PDK2: variants seen among roughly 807,000 people sequenced by gnomAD.
PDK2 encodes pyruvate dehydrogenase kinase 2.
Under a neutral mutation model 50.4 loss-of-function variants are expected in PDK2, and 34 were observed. The ratio of observed to expected loss-of-function variants is 0.68; its 90% CI spans 0.51 to 0.90. PDK2 has a LOEUF of 0.90. Among genes scored for constraint, PDK2 ranks in the 40% least tolerant of loss-of-function variants. The pLI, the probability that PDK2 is intolerant of heterozygous loss-of-function variation, is 0.00. For synonymous variants in PDK2, 232 were observed against 216.0 expected, an observed-to-expected ratio of 1.07 and a Z score of -0.65; for missense variants, 377 against 544.5, an observed-to-expected ratio of 0.69 and a Z score of 3.06.
At chr17:50,102,496 C>T (rs1242143206) in intron 2 of PDK2, among the ~76,000 whole-genome samples, 1 of 152,086 alleles carries the variant, frequency 6.6e-6, no homozygotes, top group Non-Finnish European at 1.5e-5. Flanking sequence ...CCTCCCAGCT[C>T]CCACCCGCTT....
chr17:50,106,425 T>C (rs2144368157), intron 4 of PDK2: 2 of 461,134 alleles, frequency 4.3e-6, no homozygotes, highest in East Asian at 4.0e-5. Flanking sequence ...TTTTGAGAAG[T>C]TGTAGCCAGT....
intron 8 of PDK2, 79 bp from the exon 9 acceptor site, chr17:50,108,533 C>T: frequency 7.3e-7 from 1 of 1,370,974 alleles, no homozygotes; most frequent in Non-Finnish European, 1.0e-6. Context: ...GTGGGGAAGA[C>T]CATGAGAAGG....
At position 50,108,216 on chromosome 17, in the gene PDK2, T is replaced by C; in HGVS notation, c.746T>C (p.Leu249Pro). 1 of 1,598,138 alleles carries C rather than the reference T, an allele frequency of 6.3e-7. No individual in the cohort carries two copies. The highest frequency in any genetic ancestry group is 8.5e-7 in the Non-Finnish European group (1 of 1,171,070). The change falls in exon 7 of 11, where the codon CTC (leucine) becomes CCC (proline). Residue 249 changes from leucine to proline, a missense_variant. Physicochemically the swap from Leu to Pro is moderately conservative, Grantham distance 98. Coordinates refer to ENST00000503176, the MANE Select transcript of PDK2 (RefSeq NM_002611.5). ...VYVPSHLYHM[L>P]FELFKNAMRA... Reference sequence around the variant, plus strand: ...GTCCCCTCCCACCTCTACCACATGCTCTTTGAGCTCTTCAAGGTGAGGAGG... The same window carrying C: ...GTCCCCTCCCACCTCTACCACATGCCCTTTGAGCTCTTCAAGGTGAGGAGG...
At chr17:50,100,434 T>G (rs1373922160) in intron 2 of PDK2, among the ~76,000 whole-genome samples, 1 of 152,190 alleles carries the variant, frequency 6.6e-6, no homozygotes. Context: ...GAGCCTCAGC[T>G]TCCTCATGTG....
rs1910538407 is a variant in PDK2 at position 50,106,797 on chromosome 17, T to G, written c.521T>G (p.Leu174Arg). ...CATCCTCCCTTCCTGCCTGCAGCCC[T>G]CATCTTTGATGGCAGCACCAACCCA... ...SIRMLINQHT[L>R]IFDGSTNPAH... Residue 174 changes from leucine (L) to arginine (R), a missense_variant, in exon 5 of 11, where the codon CTC becomes CGC. This residue lies in a region of PDK2 where 63 missense variants were observed against 135.1 expected (regional missense o/e 0.47). Transcript: ENST00000503176. 6.2e-7 allele frequency: 1 copy of G among 1,613,932 alleles called. No homozygotes were observed. The highest frequency in any genetic ancestry group is 8.5e-7 in the Non-Finnish European group (1 of 1,179,902).
intron 4 of PDK2, chr17:50,106,371 ATTT>A (rs1287152984): frequency 3.2e-6 from 2 of 629,854 alleles, no homozygotes; most frequent in African/African-American, 3.7e-5. Flanking sequence ...TTCAAAAACA[ATTT>A]GTTGTTTAGA....
At chr17:50,107,794 G>T (rs1910594598) in intron 6 of PDK2, among the ~76,000 whole-genome samples, 1 of 152,298 alleles carries the variant, frequency 6.6e-6, no homozygotes, top group Admixed American at 6.5e-5. Flanking sequence ...GGGAGGAGGG[G>T]CATGTTAGAT....
chr17:50,095,087 G>T (rs932224633), upstream of PDK2, among the ~76,000 whole-genome samples: 2 of 152,154 alleles, frequency 1.3e-5, no homozygotes, highest in African/African-American at 4.8e-5. Context: ...TGGGAAGGAA[G>T]GGGTTAACCC....
intron 4 of PDK2, chr17:50,106,349 A>C: frequency 1.4e-6 from 1 of 716,026 alleles, no homozygotes; most frequent in South Asian, 2.6e-5. Context: ...ATTTATAAAA[A>C]CTCTCATTAT....
intron 8 of PDK2, 46 bp from the exon 9 acceptor site, chr17:50,108,566 G>A: frequency 6.7e-7 from 1 of 1,501,090 alleles, no homozygotes; most frequent in Non-Finnish European, 9.2e-7. Context: ...GGCGGGGTGG[G>A]GAAAATGAGC....
chr17:50,104,019 A>C (rs1910372069), intron 2 of PDK2, among the ~76,000 whole-genome samples: 1 of 152,130 alleles, frequency 6.6e-6, no homozygotes, highest in South Asian at 2.1e-4. Context: ...GGCCCTTGGC[A>C]CTGCAGGGCT....
At position 50,106,088 on chromosome 17, in the gene PDK2, G is replaced by A. The variant is rs1253823876; in HGVS notation, c.517+19G>A. Reference sequence around the variant, plus strand: ...CAGCACAGTGGGTGCCGGCCACAGCGGCGGGGAGCGGGCGGTGGGGGGGGC... The same window carrying A: ...CAGCACAGTGGGTGCCGGCCACAGCAGCGGGGAGCGGGCGGTGGGGGGGGC... On this transcript the variant is annotated intron_variant, in intron 4 of 10. Transcript: ENST00000503176. 4.4e-6 allele frequency: 7 copies of A among 1,578,478 alleles called. No homozygotes were observed. Among genetic ancestry groups the A allele is most frequent in the East Asian group, 2.3e-5 (1 of 43,336 alleles).
chr17:50,106,656 G>A (rs1034759408), intron 4 of PDK2, 138 bp from the exon 5 acceptor site: 1 of 714,462 alleles, frequency 1.4e-6, no homozygotes, highest in African/African-American at 1.8e-5. Flanking sequence ...ACAGAAGCGG[G>A]GGAGTGGGGC....
chr17:50,095,747 A>C, intron 1 of PDK2, 194 bp downstream of exon 1: 4 of 1,405,546 alleles, frequency 2.8e-6, no homozygotes, highest in Non-Finnish European at 1.9e-6. Flanking sequence ...GCTGATGGGA[A>C]TGGGGGGCAT....
rs539493084 is a variant in PDK2, at chr17:50,101,263, T to C, written c.260+3699T>C. On this transcript the variant is annotated intron_variant, in intron 2 of 10. Coordinates refer to ENST00000503176, the MANE Select transcript of PDK2 (RefSeq NM_002611.5). This position sits in a 1 kb window ranked among gnomAD's most constrained non-coding sequence, Gnocchi z 4.2. ...AAGCCACACGAGCTCTCCAAACCCG[T>C]CAGCCGCTCCTTGCATGACCGAGCA... Among the ~76,000 whole-genome samples, 1 of 152,254 alleles carries C rather than the reference T, an allele frequency of 6.6e-6. No homozygotes were observed. The highest frequency in any genetic ancestry group is 2.4e-5 in the African/African-American group (1 of 41,516).
intron 2 of PDK2, among the ~76,000 whole-genome samples, chr17:50,102,954 A>G (rs753675435): frequency 6.6e-6 from 1 of 152,312 alleles, no homozygotes; most frequent in East Asian, 1.9e-4. Context: ...GCTGCTTACT[A>G]TGTGGCCTGG....
intron 9 of PDK2, 32 bp downstream of exon 9, chr17:50,108,751 T>C: frequency 7.7e-7 from 1 of 1,292,062 alleles, no homozygotes; most frequent in South Asian, 1.2e-5. Context: ...CCCTCCCACC[T>C]CCTGAGGGAG....
chr17:50,105,528 G>GAAGTACA (rs1910461514), intron 3 of PDK2, 86 bp downstream of exon 3: 3 of 1,130,036 alleles, frequency 2.7e-6, no homozygotes, highest in Non-Finnish European at 3.9e-6. Context: ...AAGTACAGCA[G>GAAGTACA]GATGGAAGAA....
At chr17:50,108,546 AG>A in intron 8 of PDK2, 65 bp from the exon 9 acceptor site, 1 of 1,007,850 alleles carries the variant, frequency 9.9e-7, no homozygotes, top group Non-Finnish European at 1.4e-6. Context: ...TGAGAAGGTC[AG>A]GGGTATTGGG....
Sources: allele counts gnomAD v4.1 joint callset (sites outside exome capture counted in the v4.1 genomes callset), GRCh38; gene constraint gnomAD v4.1.1; regional missense constraint gnomAD v4.1.1; non-coding constraint Gnocchi (gnomAD v3.1); transcripts MANE v1.5; gene names NCBI Gene and HGNC (gene_info 2026-07-23, HGNC 2026-07-21).